Variants in EIF5A2 observed in about 807,000 individuals in gnomAD.
EIF5A2 encodes the protein eukaryotic translation initiation factor 5A-2.
A neutral mutation model predicts 16.4 loss-of-function variants in EIF5A2; 15 were observed. That is an observed-to-expected ratio of 0.92 (90% CI 0.61 to 1.41). The LOEUF is 1.41. Among genes scored for constraint, EIF5A2 ranks in the 40% most tolerant of loss-of-function variants. The pLI is 0.00. For missense variants in EIF5A2, 144 were observed against 189.5 expected (o/e 0.76, Z 1.41); for synonymous variants, 48 against 61.1 (o/e 0.79, Z 1.00).
intron 3 of EIF5A2, among the ~76,000 whole-genome samples, chr3:170,902,527 C>T (rs540351451): frequency 5.9e-5 from 9 of 151,300 alleles, no homozygotes; most frequent in Admixed American, 4.6e-4. Context: ...CCTCAGCCTC[C>T]CAAGTAGCTG....
intron 3 of EIF5A2, among the ~76,000 whole-genome samples, chr3:170,897,300 C>G (rs1169442768): frequency 6.6e-6 from 1 of 152,228 alleles, no homozygotes; most frequent in Non-Finnish European, 1.5e-5. Flanking sequence ...GCATAAGTTA[C>G]AAGGAGCTGA....
At position 170,890,876 on chromosome 3, in the gene EIF5A2, A is replaced by T. The variant is rs1712516489; in HGVS notation, c.*2484T>A. ...TCCCCGCTTCCTTTTAATATAATTT[A>T]TAAAGCTTTACTAAATATTTTGTTC... On this transcript the variant is annotated 3_prime_UTR_variant, in exon 5 of 5. Transcript: ENST00000295822. The T allele has an allele frequency of 6.6e-6, 1 of 152,614 alleles. No homozygotes were observed. The highest frequency in any genetic ancestry group is 1.5e-5 in the Non-Finnish European group (1 of 67,988). The allele number at this position is 152,614 out of a possible 1,614,324, so 9.5% of individuals were successfully genotyped here.
intron 3 of EIF5A2, among the ~76,000 whole-genome samples, chr3:170,903,374 C>G (rs1712859186): frequency 6.6e-6 from 1 of 152,214 alleles, no homozygotes; most frequent in Non-Finnish European, 1.5e-5. Context: ...TGTGGATCAG[C>G]CTAGTGAAGA....
At chr3:170,902,797 G>A (rs1186451025) in intron 3 of EIF5A2, among the ~76,000 whole-genome samples, 1 of 151,816 alleles carries the variant, frequency 6.6e-6, no homozygotes, top group African/African-American at 2.4e-5. Flanking sequence ...ATTAGAGACG[G>A]GGTTTCACCA....
At position 170,890,837 on chromosome 3, in the gene EIF5A2, T is replaced by TA. The variant is rs1176696828; in HGVS notation, c.*2522dup. On this transcript the variant is annotated 3_prime_UTR_variant, in exon 5 of 5. Transcript: ENST00000295822. ...GAATGAAGTCACTTCTGTTCTATGT[T>TA]AAAAAATACATGTTCCCCGCTTCCT... 1.3e-5 allele frequency: 2 copies of TA among 152,562 alleles called. No individual in the cohort carries two copies. Among genetic ancestry groups the TA allele is most frequent in the South Asian group, 2.1e-4 (1 of 4,826 alleles). 9.5% of individuals were successfully genotyped at this position (152,562 alleles called of 1,614,324 possible).
intron 3 of EIF5A2, among the ~76,000 whole-genome samples, chr3:170,896,767 A>G (rs1197405757): frequency 6.6e-6 from 1 of 152,240 alleles, no homozygotes; most frequent in African/African-American, 2.4e-5. Context: ...GCCTGAAAAT[A>G]AGGAAACAAC....
At chr3:170,904,338 A>G (rs556010852) in intron 3 of EIF5A2, among the ~76,000 whole-genome samples, 1 of 152,368 alleles carries the variant, frequency 6.6e-6, no homozygotes, top group African/African-American at 2.4e-5. Flanking sequence ...CAGAATACAT[A>G]TTTCTCTTTA....
rs942862736 is a variant in EIF5A2, at chr3:170,908,626, C to G, written c.-119G>C. On this transcript the variant is annotated 5_prime_UTR_variant, in exon 1 of 5. Coordinates refer to ENST00000295822, the MANE Select transcript of EIF5A2 (RefSeq NM_020390.6). ...CGGCGCCGGCAGCGGCGGTGGCGGC[C>G]GCGGCAGTTCCAAGAGACGGGGCGG... 2 of 152,868 alleles carry G rather than the reference C, an allele frequency of 1.3e-5. No individual in the cohort carries two copies. Among genetic ancestry groups the G allele is most frequent in the African/African-American group, 4.8e-5 (2 of 41,480 alleles). 9.5% of individuals were successfully genotyped at this position (152,868 alleles called of 1,614,324 possible).
chr3:170,897,473 G>A (rs187195220), intron 3 of EIF5A2, among the ~76,000 whole-genome samples: 113 of 152,316 alleles, frequency 7.4e-4, no homozygotes, highest in Non-Finnish European at 1.3e-3. Flanking sequence ...TTGGTGCCCT[G>A]TGTCCCAGCC....
At chr3:170,893,701 A>G (rs13065440) in intron 4 of EIF5A2, among the ~76,000 whole-genome samples, 35,235 of 152,016 alleles carry the variant, frequency 0.23, 4,131 homozygotes, top group Middle Eastern at 0.28. Context: ...AATCTCCTTC[A>G]CTCTTTAACA....
chr3:170,905,721 T>G (rs1712920097), intron 3 of EIF5A2, among the ~76,000 whole-genome samples: 1 of 152,190 alleles, frequency 6.6e-6, no homozygotes, highest in Non-Finnish European at 1.5e-5. Flanking sequence ...GAACAGCACT[T>G]TTTGGTACGT....
At chr3:170,902,894 T>C (rs1376843013) in intron 3 of EIF5A2, among the ~76,000 whole-genome samples, 3 of 152,118 alleles carry the variant, frequency 2.0e-5, no homozygotes, top group Admixed American at 6.6e-5. Flanking sequence ...TGTGAGCCAC[T>C]GTGCCCGGCC....
At chr3:170,895,250 A>G (rs981555313) in intron 3 of EIF5A2, among the ~76,000 whole-genome samples, 1 of 152,078 alleles carries the variant, frequency 6.6e-6, no homozygotes, top group Non-Finnish European at 1.5e-5. Flanking sequence ...TAATTTGAGT[A>G]TGAACAAAAT....
chr3:170,899,933 A>AT lies in EIF5A2; in HGVS notation c.271-5511dup, dbSNP rs34915978. Among the ~76,000 whole-genome samples, 377 of 146,282 alleles carry AT rather than the reference A, an allele frequency of 2.6e-3. 2 individuals carry two copies. In the Middle Eastern group the frequency reaches 0.046, roughly 18 times the overall value. ...TGATCACTTTTAGATGTTTTTGAAC[A>AT]TTTTTTTTTTTGGTAGAAAGTAATT... On this transcript the variant is annotated intron_variant, in intron 3 of 4. Coordinates refer to ENST00000295822, the MANE Select transcript of EIF5A2 (RefSeq NM_020390.6).
Position 170,890,353 on chromosome 3 carries a change from T to A in EIF5A2, c.*3007A>T, listed in dbSNP as rs1023439005. On this transcript the variant is annotated 3_prime_UTR_variant, in exon 5 of 5. Coordinates refer to ENST00000295822, the MANE Select transcript of EIF5A2 (RefSeq NM_020390.6). ...AGCCTAATCATTTTATTGCAGTATC[T>A]CCTATTATAGATATCATGCTCTGAT... The A allele has an allele frequency of 1.3e-5, 2 of 152,072 alleles. No individual in the cohort carries two copies. The highest frequency in any genetic ancestry group is 2.9e-5 in the Non-Finnish European group (2 of 67,952). The allele number at this position is 152,072 out of a possible 1,614,324, so 9.4% of individuals were successfully genotyped here.
chr3:170,897,574 T>C (rs1218665521), intron 3 of EIF5A2, among the ~76,000 whole-genome samples: 2 of 152,142 alleles, frequency 1.3e-5, no homozygotes, highest in Admixed American at 6.5e-5. Flanking sequence ...GTGGCTTCCA[T>C]GTGGTGTTGG....
rs1367653682 is a variant in EIF5A2 at position 170,889,071 on chromosome 3, T to G, written c.*4289A>C. 8.1e-6 allele frequency: 1 copy of G among 123,174 alleles called. No homozygotes were observed. The highest frequency in any genetic ancestry group is 1.8e-5 in the Non-Finnish European group (1 of 56,570). The allele number at this position is 123,174 out of a possible 1,614,324, so 7.6% of individuals were successfully genotyped here. On this transcript the variant is annotated 3_prime_UTR_variant, in exon 5 of 5. Coordinates refer to ENST00000295822, the MANE Select transcript of EIF5A2 (RefSeq NM_020390.6). ...GTCTTTTTTTTTTTTTTTTTTTTTT[T>G]GTAAAATAGGTTTCTACCTGTTCTA...
intron 3 of EIF5A2, 84 bp downstream of exon 3, chr3:170,906,905 G>A: frequency 1.2e-6 from 1 of 826,618 alleles, no homozygotes; most frequent in Non-Finnish European, 1.8e-6. Flanking sequence ...AACTACTCTT[G>A]GGTTTTGTCA....
Position 170,907,646 on chromosome 3 carries a change from G to A in EIF5A2, c.161C>T (p.Ala54Val). 1 of 1,595,494 alleles carries A rather than the reference G, an allele frequency of 6.3e-7. No homozygotes were observed. Among genetic ancestry groups the A allele is most frequent in the Non-Finnish European group, 8.6e-7 (1 of 1,165,286 alleles). ...STSKTGKHGH[A>V]KVHLVGIDIF... ...CTGATCTGCAAGGGTACTTACCTTG[G>A]CATGACCATGCTTTCCAGTTTTGGA... The change falls in exon 2 of 5, where the codon GCC becomes GTC. Residue 54 changes from alanine (A) to valine (V), a missense_variant. Physicochemically the swap from Ala to Val is moderately conservative, Grantham distance 64. Coordinates refer to ENST00000295822, the MANE Select transcript of EIF5A2 (RefSeq NM_020390.6).
Sources: allele counts gnomAD v4.1 joint callset (sites outside exome capture counted in the v4.1 genomes callset), GRCh38; gene constraint gnomAD v4.1.1; transcripts MANE v1.5; gene names NCBI Gene and HGNC (gene_info 2026-07-23, HGNC 2026-07-21).